Variants in ZMYND11 observed in about 807,000 individuals in gnomAD.
ZMYND11 encodes the protein zinc finger MYND-type containing 11, also known as zinc finger MYND domain-containing protein 11.
ZMYND11 carries 9 observed loss-of-function variants against 84.9 expected under a neutral mutation model. The ratio of observed to expected loss-of-function variants is 0.11; its 90% CI spans 0.06 to 0.18. The LOEUF (loss-of-function observed/expected upper bound fraction) is 0.18. ZMYND11 is among the 10% of genes least tolerant of loss of function. The pLI is 1.00. For synonymous variants in ZMYND11, 250 were observed against 244.1 expected (o/e 1.02, Z -0.23); for missense variants, 409 against 761.0 (o/e 0.54, Z 5.44).
intron 1 of ZMYND11, among the ~76,000 whole-genome samples, chr10:150,445 G>A (rs181403811): frequency 1.3e-5 from 2 of 152,288 alleles, no homozygotes; most frequent in Admixed American, 1.3e-4. Flanking sequence ...ATTTCTGTGG[G>A]ATCAGTGGTG....
chr10:172,386 C>A (rs1845551149), intron 1 of ZMYND11, among the ~76,000 whole-genome samples: 1 of 152,124 alleles, frequency 6.6e-6, no homozygotes, highest in African/African-American at 2.4e-5. Context: ...CCTGGAACTA[C>A]TAAGTGGTTG....
intron 2 of ZMYND11, among the ~76,000 whole-genome samples, chr10:191,807 G>T (rs1940494751): frequency 6.6e-6 from 1 of 152,016 alleles, no homozygotes; most frequent in African/African-American, 2.4e-5. Flanking sequence ...ACATGTGGTT[G>T]TTGTCTCAGC....
At chr10:183,755 C>T (rs1848362253) in intron 2 of ZMYND11, among the ~76,000 whole-genome samples, 1 of 152,118 alleles carries the variant, frequency 6.6e-6, no homozygotes, top group African/African-American at 2.4e-5. Flanking sequence ...TATTTCAGTC[C>T]ATTTTCGACA....
chr10:150,319 C>T (rs139204352), intron 1 of ZMYND11, among the ~76,000 whole-genome samples: 1,611 of 152,290 alleles, frequency 0.011, 7 homozygotes, highest in Non-Finnish European at 0.018. Context: ...AGGGATTCAG[C>T]TTCTTCCTGG....
intron 4 of ZMYND11, among the ~76,000 whole-genome samples, chr10:234,642 A>G (rs1468982323): frequency 1.3e-5 from 2 of 152,242 alleles, no homozygotes; most frequent in Non-Finnish European, 2.9e-5. Flanking sequence ...TAGTGCACCC[A>G]GAGTTTGAGT....
intron 4 of ZMYND11, among the ~76,000 whole-genome samples, chr10:222,049 C>T (rs746006048): frequency 2.0e-5 from 3 of 151,874 alleles, no homozygotes; most frequent in Non-Finnish European, 4.4e-5. Context: ...CATATGGCAT[C>T]GATGGTAATA....
chr10:235,233 T>C (rs1949750722), intron 4 of ZMYND11, among the ~76,000 whole-genome samples: 1 of 152,198 alleles, frequency 6.6e-6, no homozygotes, highest in African/African-American at 2.4e-5. Flanking sequence ...AGTTCAATGT[T>C]TGTTTAAAGT....
rs1554751826 is a variant in ZMYND11, at chr10:135,757, C to T, written c.-20+198C>T. 6.8e-6 allele frequency among the ~76,000 whole-genome samples: 1 copy of T among 146,658 alleles called. No individual in the cohort carries two copies. The highest frequency in any genetic ancestry group is 1.5e-5 in the Non-Finnish European group (1 of 65,936). ...TGGATGGCGGGGCGGGCCGGGCCGG[C>T]GGGGCCTGCGAGGGCGGCGGCGGGG... is the stretch of plus-strand genomic sequence containing the variant. On this transcript the variant is annotated intron_variant, in intron 1 of 14. Transcript: ENST00000381604. This position sits in a 1 kb window ranked among gnomAD's most constrained non-coding sequence, Gnocchi z 5.6.
chr10:189,848 G>T (rs1939853052), intron 2 of ZMYND11, among the ~76,000 whole-genome samples: 1 of 152,148 alleles, frequency 6.6e-6, no homozygotes, highest in African/African-American at 2.4e-5. Context: ...TTATTTGAGG[G>T]GACAGTCACT....
chr10:134,596 T>G, upstream of ZMYND11: 1 of 151,682 alleles, frequency 6.6e-6, no homozygotes, highest in Admixed American at 6.6e-5. Flanking sequence ...ATGACAGGAG[T>G]AAAGGGCTGT....
chr10:203,785 G>A (rs1034814786), intron 2 of ZMYND11, among the ~76,000 whole-genome samples: 2 of 152,158 alleles, frequency 1.3e-5, no homozygotes, highest in Non-Finnish European at 2.9e-5. Flanking sequence ...TGTTCCCTGA[G>A]CCCCTCTCTG....
At chr10:237,552 C>T in intron 5 of ZMYND11, 33 bp from the exon 6 acceptor site, 1 of 1,378,416 alleles carries the variant, frequency 7.3e-7, no homozygotes, top group Non-Finnish European at 1.0e-6. Context: ...TTCCTTTAAC[C>T]ACATTTAAAT....
chr10:231,961 C>A (rs749768986), intron 4 of ZMYND11, among the ~76,000 whole-genome samples: 1 of 152,104 alleles, frequency 6.6e-6, no homozygotes, highest in Admixed American at 6.5e-5. Flanking sequence ...CCAGGTGATA[C>A]GAACTCTGGA....
intron 4 of ZMYND11, 133 bp downstream of exon 4, chr10:221,489 T>A: frequency 1.2e-6 from 1 of 829,418 alleles, no homozygotes. Context: ...TCTAATGAAA[T>A]GATGATACTC....
At position 253,175 on chromosome 10, in the gene ZMYND11, A is replaced by G. The variant is rs1052052928; in HGVS notation, c.*705A>G. On this transcript the variant is annotated 3_prime_UTR_variant, in exon 15 of 15. Coordinates refer to ENST00000381604, the MANE Select transcript of ZMYND11 (RefSeq NM_001370100.5). ...CTGAGCTGGATCTTAGAGAAAATGA[A>G]TATTTAAATTTTAAAGTTTGCACAT... 3.9e-5 allele frequency: 6 copies of G among 152,664 alleles called. No individual in the cohort carries two copies. Among genetic ancestry groups the G allele is most frequent in the African/African-American group, 1.4e-4 (6 of 41,456 alleles). The allele number at this position is 152,664 out of a possible 1,614,324, so 9.5% of individuals were successfully genotyped here. A position where few individuals can be genotyped will look rare whatever the true frequency, so the allele number is the denominator to read the frequency against.
At chr10:243,592 A>T (rs2131846744) in intron 10 of ZMYND11, among the ~76,000 whole-genome samples, 1 of 152,348 alleles carries the variant, frequency 6.6e-6, no homozygotes, top group Middle Eastern at 3.4e-3. Flanking sequence ...TAGGCCAGGC[A>T]CGGTGGCTCA....
At chr10:212,460 A>G (rs1437265347) in intron 3 of ZMYND11, among the ~76,000 whole-genome samples, 1 of 151,742 alleles carries the variant, frequency 6.6e-6, no homozygotes, top group Non-Finnish European at 1.5e-5. Context: ...TGGTGTATAA[A>G]ATATGTAAAT....
chr10:192,194 A>G (rs1247233951), intron 2 of ZMYND11, among the ~76,000 whole-genome samples: 1 of 152,188 alleles, frequency 6.6e-6, no homozygotes, highest in Non-Finnish European at 1.5e-5. Flanking sequence ...ACAGCACTAC[A>G]TATTCCAGTT....
intron 2 of ZMYND11, among the ~76,000 whole-genome samples, chr10:200,421 AAT>A (rs963067971): frequency 1.1e-4 from 16 of 147,448 alleles, no homozygotes; most frequent in African/African-American, 3.7e-4. Context: ...TATATATAAT[AAT>A]ATATGTTATA....
Sources: allele counts gnomAD v4.1 joint callset (sites outside exome capture counted in the v4.1 genomes callset), GRCh38; gene constraint gnomAD v4.1.1; non-coding constraint Gnocchi (gnomAD v3.1); transcripts MANE v1.5; gene names NCBI Gene and HGNC (gene_info 2026-07-23, HGNC 2026-07-21).